Variants in KLHL5 observed in about 807,000 individuals in gnomAD.
KLHL5 encodes kelch like family member 5.
In KLHL5, 48 loss-of-function variants were observed where a neutral mutation model predicts 77.7. The observed-to-expected ratio is 0.62, with a 90% confidence interval of 0.49 to 0.79. The LOEUF (loss-of-function observed/expected upper bound fraction) is 0.79, where lower values mean the gene tolerates loss of function less well. Among genes scored for constraint, KLHL5 ranks in the 30% least tolerant of loss-of-function variants. KLHL5 has a pLI of 0.00. For synonymous variants in KLHL5, 260 were observed against 297.0 expected, an observed-to-expected ratio of 0.88 and a Z score of 1.28; for missense variants, 723 against 859.7, an observed-to-expected ratio of 0.84 and a Z score of 1.99.
At chr4:39,071,043 T>C (rs1327404010) in intron 1 of KLHL5, among the ~76,000 whole-genome samples, 1 of 152,156 alleles carries the variant, frequency 6.6e-6, no homozygotes, top group Non-Finnish European at 1.5e-5. Context: ...TCTATTTATA[T>C]TTTATCTTTT....
At chr4:39,120,728 G>C (rs1395185161) in intron 10 of KLHL5, among the ~76,000 whole-genome samples, 1 of 152,224 alleles carries the variant, frequency 6.6e-6, no homozygotes, top group Non-Finnish European at 1.5e-5. Context: ...AAAATAGAGT[G>C]TTTCATGTAG....
the KLHL5 span, among the ~76,000 whole-genome samples, chr4:39,140,810 T>C: frequency 1.4e-3 from 217 of 152,356 alleles, 2 homozygotes; most frequent in African/African-American, 5.0e-3. Flanking sequence ...ATGAATTTTA[T>C]GAAAATGATC....
In KLHL5 at chr4:39,121,293, T is replaced by A. The variant is rs13182; in HGVS notation, c.*227T>A. The A allele has an allele frequency of 0.55, 305,237 of 553,304 alleles. 85,426 individuals carry two copies. The highest frequency in any genetic ancestry group is 0.6 in the Admixed American group (19,278 of 32,210). 34.3% of individuals were successfully genotyped at this position (553,304 alleles called of 1,614,324 possible). ...AAAACCTGCAGCTGGTGGATTGTGA[T>A]CACACATTCCCGAAGTAATAAGTGA... On this transcript the variant is annotated 3_prime_UTR_variant, in exon 11 of 11. Coordinates refer to ENST00000504108, the MANE Select transcript of KLHL5 (RefSeq NM_015990.5).
intron 1 of KLHL5, among the ~76,000 whole-genome samples, chr4:39,051,460 T>G (rs949142227): frequency 1.3e-5 from 2 of 152,210 alleles, no homozygotes; most frequent in African/African-American, 4.8e-5. Context: ...TTAAGACTCT[T>G]AGACACTTGT....
intron 2 of KLHL5, among the ~76,000 whole-genome samples, chr4:39,078,963 G>C (rs1372352672): frequency 6.6e-6 from 1 of 152,008 alleles, no homozygotes; most frequent in Non-Finnish European, 1.5e-5. Flanking sequence ...AATTGGCTTG[G>C]TATTAAAATT....
intron 4 of KLHL5, 59 bp from the exon 5 acceptor site, chr4:39,086,456 A>G (rs1184013409): frequency 7.4e-7 from 1 of 1,346,504 alleles, no homozygotes; most frequent in Non-Finnish European, 1.1e-6. Flanking sequence ...ACTTTCTTCT[A>G]AGTAAATTGT....
chr4:39,078,394 A>T (rs377063098), intron 2 of KLHL5, among the ~76,000 whole-genome samples: 137 of 150,906 alleles, frequency 9.1e-4, no homozygotes, highest in African/African-American at 3.2e-3. Flanking sequence ...TCAAAAAAAA[A>T]AAAGAATGAT....
At chr4:39,078,943 C>G (rs888523330) in intron 2 of KLHL5, among the ~76,000 whole-genome samples, 1 of 152,070 alleles carries the variant, frequency 6.6e-6, no homozygotes, top group African/African-American at 2.4e-5. Flanking sequence ...GAAATAAAAT[C>G]ATTAGGAGGA....
upstream of KLHL5, among the ~76,000 whole-genome samples, chr4:39,057,714 A>G (rs1429581717): frequency 6.6e-6 from 1 of 152,168 alleles, no homozygotes; most frequent in African/African-American, 2.4e-5. Context: ...CTGGGTTAGT[A>G]TGGTAAAATT....
chr4:39,111,679 TAGATA>T (rs1314855365), intron 8 of KLHL5, among the ~76,000 whole-genome samples: 5 of 152,206 alleles, frequency 3.3e-5, no homozygotes. Flanking sequence ...AAGTTACTAA[TAGATA>T]AAAGTTTTTA....
In KLHL5 at chr4:39,062,575, C is replaced by A; in HGVS notation, c.-78C>A. On this transcript the variant is annotated 5_prime_UTR_variant, in exon 1 of 11. Coordinates refer to ENST00000504108, the MANE Select transcript of KLHL5 (RefSeq NM_015990.5). ...TGTGTACAGCAGGGCATATACTTCTCTTGTCTTGGTTGGATGCACAAATCT... is the reference window on the plus strand; with the variant it reads ...TGTGTACAGCAGGGCATATACTTCTATTGTCTTGGTTGGATGCACAAATCT... 6.2e-7 allele frequency: 1 copy of A among 1,614,084 alleles called. No individual in the cohort carries two copies. Among genetic ancestry groups the A allele is most frequent in the Middle Eastern group, 1.6e-4 (1 of 6,062 alleles).
chr4:39,106,856 A>T (rs1364090251), intron 7 of KLHL5, among the ~76,000 whole-genome samples: 1 of 151,192 alleles, frequency 6.6e-6, no homozygotes, highest in Non-Finnish European at 1.5e-5. Context: ...AGTTCAGGGG[A>T]TCTTTCACCT....
chr4:39,103,548 A>T (rs1162033854), intron 7 of KLHL5, 37 bp downstream of exon 7: 8 of 1,512,388 alleles, frequency 5.3e-6, no homozygotes, highest in Admixed American at 5.0e-5. Context: ...AAAATATCAC[A>T]TAGCTCCCAC....
At chr4:39,134,312 T>C in the KLHL5 span, among the ~76,000 whole-genome samples, 3 of 152,200 alleles carry the variant, frequency 2.0e-5, no homozygotes, top group African/African-American at 7.2e-5. Context: ...CATAGGGAGG[T>C]TGAGTCAACT....
chr4:39,066,173 T>G (rs1484289996), intron 1 of KLHL5, among the ~76,000 whole-genome samples: 1 of 152,190 alleles, frequency 6.6e-6, no homozygotes, highest in Non-Finnish European at 1.5e-5. Context: ...AAATACAAAC[T>G]TAGTCTTCTT....
At chr4:39,074,056 G>A (rs751714792) in intron 1 of KLHL5, among the ~76,000 whole-genome samples, 2 of 151,902 alleles carry the variant, frequency 1.3e-5, no homozygotes, top group Non-Finnish European at 2.9e-5. Flanking sequence ...ATTTGTATAA[G>A]CATATATAAT....
chr4:39,062,590 T>C lies in KLHL5; in HGVS notation c.-63T>C, dbSNP rs778503353. On this transcript the variant is annotated 5_prime_UTR_variant, in exon 1 of 11. It removes an upstream start codon present in the reference 5' UTR. Transcript: ENST00000504108. ...ATATACTTCTCTTGTCTTGGTTGGATGCACAAATCTGTGTGCAGTGCTTTT... is the reference window on the plus strand; with the variant it reads ...ATATACTTCTCTTGTCTTGGTTGGACGCACAAATCTGTGTGCAGTGCTTTT... The C allele has an allele frequency of 1.8e-5, 29 of 1,614,066 alleles. No homozygotes were observed. Among genetic ancestry groups the C allele is most frequent in the Non-Finnish European group, 2.3e-5 (27 of 1,180,014 alleles).
chr4:39,045,585 A>G (rs530230424), intron 1 of KLHL5, among the ~76,000 whole-genome samples: 1 of 152,096 alleles, frequency 6.6e-6, no homozygotes, highest in Non-Finnish European at 1.5e-5. Context: ...AGTGTGGAGA[A>G]TAAGACGGGG....
Position 39,102,953 on chromosome 4 carries a change from CCTA to C in KLHL5, c.1301-331_1301-329del, listed in dbSNP as rs200577538. On this transcript the variant is annotated intron_variant, in intron 6 of 10. Transcript: ENST00000504108. Reference sequence around the variant, plus strand: ...CTTTCAGTAGGATACTGTTAGCAGACCTACTGCTATAAACTTTCTTCCTTTGGC... The same window carrying C: ...CTTTCAGTAGGATACTGTTAGCAGACCTGCTATAAACTTTCTTCCTTTGGC... 5.4e-3 allele frequency among the ~76,000 whole-genome samples: 817 copies of C among 152,284 alleles called. 7 individuals are homozygous for C. The highest frequency in any genetic ancestry group is 0.019 in the African/African-American group (772 of 41,556).
Sources: gnomAD v4.1 joint callset for allele counts (sites outside exome capture counted in the v4.1 genomes callset) on GRCh38, gnomAD v4.1.1 for gene constraint, MANE v1.5 for transcripts, NCBI Gene and HGNC (gene_info 2026-07-23, HGNC 2026-07-21) for gene names.